Variants in TLE4 observed in about 807,000 individuals in gnomAD.
TLE4 encodes transducin-like enhancer protein 4.
TLE4 carries 8 observed loss-of-function variants against 92.8 expected under a neutral mutation model. That is an observed-to-expected ratio of 0.09 (90% CI 0.05 to 0.16). The LOEUF (loss-of-function observed/expected upper bound fraction) is 0.16. Ranked by LOEUF, TLE4 falls within the 10% of genes least tolerant of loss-of-function variation. The probability of loss-of-function intolerance (pLI) is 1.00; values close to 1 mark genes in which losing one functional copy is unlikely to be tolerated. For synonymous variants in TLE4, 371 were observed against 374.1 expected (o/e 0.99, Z 0.10); for missense variants, 675 against 997.6 (o/e 0.68, Z 4.36).
intron 4 of TLE4, among the ~76,000 whole-genome samples, chr9:79,590,427 A>C (rs1388735468): frequency 2.0e-5 from 3 of 152,112 alleles, no homozygotes; most frequent in Non-Finnish European, 2.9e-5. Flanking sequence ...GAGGTGTCAG[A>C]TTTAGGAGAG....
At chr9:79,677,791 C>G (rs145946550) in intron 8 of TLE4, among the ~76,000 whole-genome samples, 1 of 151,996 alleles carries the variant, frequency 6.6e-6, no homozygotes, top group Admixed American at 6.6e-5. Context: ...ATTGTTTTCA[C>G]ATCTATAAAA....
In TLE4 at chr9:79,713,521, C is replaced by T. The variant is rs111247349; in HGVS notation, c.1340+3822C>T. 3.7e-3 allele frequency among the ~76,000 whole-genome samples: 567 copies of T among 152,302 alleles called. 4 individuals carry two copies. The highest frequency in any genetic ancestry group is 0.013 in the African/African-American group (527 of 41,556). On this transcript the variant is annotated intron_variant, in intron 14 of 19. Coordinates refer to ENST00000376552, the MANE Select transcript of TLE4 (RefSeq NM_007005.6). ...ATTTCTCTGACTCCCTGCACCCTCT[C>T]CCTCCAGCCCTGTATTTCTAGTTAT...
At chr9:79,606,141 T>C (rs1208700774) in intron 4 of TLE4, among the ~76,000 whole-genome samples, 1 of 148,502 alleles carries the variant, frequency 6.7e-6, no homozygotes, top group African/African-American at 2.5e-5. Context: ...TCGATTCTTA[T>C]AATGTTATCA....
chr9:79,592,518 C>T (rs573597067), intron 4 of TLE4, among the ~76,000 whole-genome samples: 2 of 152,064 alleles, frequency 1.3e-5, no homozygotes, highest in African/African-American at 2.4e-5. Flanking sequence ...TCAAGCCACA[C>T]GCCCACCTCA....
intron 4 of TLE4, among the ~76,000 whole-genome samples, chr9:79,585,662 AT>A (rs35658870): frequency 1.4e-4 from 21 of 150,228 alleles, no homozygotes; most frequent in East Asian, 3.9e-4. Flanking sequence ...CAGAAATTGA[AT>A]TTTTTTTTTT....
At chr9:79,615,914 T>A (rs1420575796) in intron 5 of TLE4, among the ~76,000 whole-genome samples, 3 of 152,194 alleles carry the variant, frequency 2.0e-5, no homozygotes, top group Admixed American at 6.6e-5. Flanking sequence ...ACTCTTGTCA[T>A]TAAAAGTGAG....
chr9:79,693,511 A>G (rs866866077), intron 8 of TLE4: 30 of 342,714 alleles, frequency 8.8e-5, no homozygotes, highest in African/African-American at 5.6e-4. Flanking sequence ...TTCAATTACT[A>G]TACCCTGGAA....
chr9:79,704,872 A>G lies in TLE4; in HGVS notation c.699A>G (p.Lys233=), dbSNP rs1192004879. The G allele has an allele frequency of 3.1e-6, 5 of 1,614,202 alleles. No homozygotes were observed. Among genetic ancestry groups the G allele is most frequent in the East Asian group, 4.5e-5 (2 of 44,886 alleles). Residue 233 remains lysine (K), a synonymous_variant, in exon 9 of 20, where the codon AAA becomes AAG. Transcript: ENST00000376552. ...ACTCCTCAGAGAGCAAAAAGCAGAA[A>G]ACTGAAGAAAAGGAAATTGCAGCTC... The part of the protein sequence containing the change: ...ADYSSESKKQ[K]TEEKEIAARY...
chr9:79,623,924 C>G (rs1444076109), intron 5 of TLE4, among the ~76,000 whole-genome samples: 4 of 151,970 alleles, frequency 2.6e-5, no homozygotes, highest in Non-Finnish European at 5.9e-5. Context: ...GTAAGAATGA[C>G]AACACTTGGT....
intron 5 of TLE4, among the ~76,000 whole-genome samples, chr9:79,625,234 T>C (rs1258107471): frequency 6.6e-6 from 1 of 151,748 alleles, no homozygotes; most frequent in Non-Finnish European, 1.5e-5. Flanking sequence ...TTAGCCGGGA[T>C]GGTCTCGATC....
At chr9:79,694,411 G>C (rs938119207) in intron 8 of TLE4, among the ~76,000 whole-genome samples, 1 of 152,182 alleles carries the variant, frequency 6.6e-6, no homozygotes, top group Non-Finnish European at 1.5e-5. Flanking sequence ...TTTGGCACAT[G>C]CTTGGTGAAT....
intron 8 of TLE4, among the ~76,000 whole-genome samples, chr9:79,677,946 C>T (rs186798652): frequency 7.4e-4 from 112 of 152,226 alleles, no homozygotes; most frequent in African/African-American, 2.2e-3. Context: ...CGTAATTTCT[C>T]TCTTCTATTT....
At chr9:79,622,681 T>G (rs1824700802) in intron 5 of TLE4, among the ~76,000 whole-genome samples, 1 of 152,218 alleles carries the variant, frequency 6.6e-6, no homozygotes, top group Non-Finnish European at 1.5e-5. Flanking sequence ...TTCTTGTTCC[T>G]TACTCTAACC....
intron 6 of TLE4, among the ~76,000 whole-genome samples, chr9:79,639,709 G>A (rs1587679854): frequency 3.9e-5 from 6 of 152,210 alleles, no homozygotes; most frequent in Admixed American, 3.9e-4. Context: ...ACAATATTCA[G>A]TGCAGTAACA....
chr9:79,708,176 C>T lies in TLE4; in HGVS notation c.995C>T (p.Ala332Val), dbSNP rs754468656. Residue 332 changes from alanine to valine, a missense_variant, in exon 12 of 20, where the codon GCG becomes GTG. Physicochemically the swap from Ala to Val is moderately conservative, Grantham distance 64. Around this residue, in one of 5 missense-constraint regions of TLE4, gnomAD observed 280 missense variants for 287.3 expected, o/e 0.97. Transcript: ENST00000376552. ...KSNTPTPRTD[A>V]PTPGSNSTPG... ...AATACCCCTACTCCACGAACTGATG[C>T]GCCCACCCCAGGCAGTAACTCTACT... The T allele has an allele frequency of 8.7e-6, 14 of 1,613,964 alleles. No individual in the cohort carries two copies. The highest frequency in any genetic ancestry group is 4.5e-5 in the East Asian group (2 of 44,888).
At chr9:79,678,929 T>A (rs2135181674) in intron 8 of TLE4, among the ~76,000 whole-genome samples, 1 of 152,328 alleles carries the variant, frequency 6.6e-6, no homozygotes, top group Non-Finnish European at 1.5e-5. Context: ...GTTTCATCCA[T>A]GTCCCTACAA....
At chr9:79,667,804 G>C (rs1588030586) in intron 8 of TLE4, among the ~76,000 whole-genome samples, 1 of 152,126 alleles carries the variant, frequency 6.6e-6, no homozygotes, top group Non-Finnish European at 1.5e-5. Context: ...TGCCAGGCAA[G>C]GGTTAGGCCT....
intron 6 of TLE4, among the ~76,000 whole-genome samples, chr9:79,636,737 T>C (rs1277183198): frequency 6.6e-6 from 1 of 152,222 alleles, no homozygotes; most frequent in East Asian, 1.9e-4. Context: ...CATTGATTTG[T>C]TATGCATCAC....
chr9:79,664,331 G>GA (rs1210753542), intron 8 of TLE4, among the ~76,000 whole-genome samples: 1 of 152,148 alleles, frequency 6.6e-6, no homozygotes, highest in Non-Finnish European at 1.5e-5. Context: ...GGGTTGCCCT[G>GA]AAAAAATAAT....
Sources: gnomAD v4.1 joint callset for allele counts (sites outside exome capture counted in the v4.1 genomes callset) on GRCh38, gnomAD v4.1.1 for gene constraint, gnomAD v4.1.1 regional missense constraint, MANE v1.5 for transcripts, NCBI Gene and HGNC (gene_info 2026-07-23, HGNC 2026-07-21) for gene names.